Variants in SMIM41 observed in about 807,000 individuals in gnomAD.
SMIM41 encodes the protein small integral membrane protein 41.
In SMIM41 at chr12:52,107,496, C is replaced by G; in HGVS notation, c.*313C>G. 1.2e-6 allele frequency: 1 copy of G among 811,636 alleles called. No homozygotes were observed. The highest frequency in any genetic ancestry group is 1.8e-5 in the Admixed American group (1 of 55,134). The allele number at this position is 811,636 out of a possible 1,614,324, so 50.3% of individuals were successfully genotyped here. ...GGCCATGAGCCCTGACTCCCACCTC[C>G]ACACCTCCATGTACTTCTTCCTCTC... On this transcript the variant is annotated 3_prime_UTR_variant, in exon 3 of 3. Coordinates refer to ENST00000546390, the MANE Select transcript of SMIM41 (RefSeq NM_001369216.1).
intron 2 of SMIM41, among the ~76,000 whole-genome samples, chr12:52,103,170 G>A (rs1392993224): frequency 9.3e-5 from 14 of 151,204 alleles, no homozygotes; most frequent in Non-Finnish European, 1.9e-4. Flanking sequence ...TACTGAAAAC[G>A]CAAAAAATTA....
At position 52,080,154 on chromosome 12, in the gene SMIM41, C is replaced by G; in HGVS notation, c.*93C>G. On this transcript the variant is annotated 3_prime_UTR_variant, in exon 1 of 3. Transcript: ENST00000546390. The stretch of plus-strand genomic sequence containing the variant: ...CCGACGGCTGCTGCGGTCCCGACCC[C>G]TTACCCGAAGCGGCGCGCCCCACAC... 3.0e-6 allele frequency: 1 copy of G among 338,742 alleles called. No homozygotes were observed. 21.0% of individuals were successfully genotyped at this position (338,742 alleles called of 1,614,324 possible).
chr12:52,088,149 T>C (rs985956231), intron 2 of SMIM41, among the ~76,000 whole-genome samples: 3 of 152,136 alleles, frequency 2.0e-5, no homozygotes, highest in Non-Finnish European at 4.4e-5. Context: ...CCTGCGCACT[T>C]GCTGGTGGGA....
intron 1 of SMIM41, among the ~76,000 whole-genome samples, chr12:52,080,854 G>T (rs1939808574): frequency 6.6e-6 from 1 of 152,122 alleles, no homozygotes; most frequent in Admixed American, 6.5e-5. Flanking sequence ...GCCCTTCCCT[G>T]GACCCTGCTC....
At chr12:52,104,578 G>GA in intron 2 of SMIM41, among the ~76,000 whole-genome samples, 1 of 150,020 alleles carries the variant, frequency 6.7e-6, no homozygotes, top group East Asian at 1.9e-4. Flanking sequence ...TCATCCTCAG[G>GA]AAAAAAACAG....
chr12:52,104,835 G>A (rs1940300335), intron 2 of SMIM41, among the ~76,000 whole-genome samples: 1 of 152,176 alleles, frequency 6.6e-6, no homozygotes, highest in African/African-American at 2.4e-5. Flanking sequence ...AGGATAAAGA[G>A]GATGATGACA....
At chr12:52,083,067 GGACCTGGGA>G (rs766642563) in intron 1 of SMIM41, among the ~76,000 whole-genome samples, 2 of 152,284 alleles carry the variant, frequency 1.3e-5, no homozygotes, top group Non-Finnish European at 2.9e-5. Flanking sequence ...GTGTGGGCCT[GGACCTGGGA>G]GACCTGCACT....
At position 52,081,180 on chromosome 12, in the gene SMIM41, T is replaced by A. The variant is rs1939814322; in HGVS notation, c.*120+999T>A. Among the ~76,000 whole-genome samples, 1 of 152,094 alleles carries A rather than the reference T, an allele frequency of 6.6e-6. No individual in the cohort carries two copies. The highest frequency in any genetic ancestry group is 1.5e-5 in the Non-Finnish European group (1 of 67,996). On this transcript the variant is annotated intron_variant, in intron 1 of 2. Coordinates refer to ENST00000546390, the MANE Select transcript of SMIM41 (RefSeq NM_001369216.1). This position sits in a 1 kb window ranked among gnomAD's most constrained non-coding sequence, Gnocchi z 4.1. ...AGAGGCCTTCTCTGTTCCTTCCCTC[T>A]GTTCAGCTTTGTACCTAGGAGCCCT...
At chr12:52,095,381 A>G (rs1232634025) in intron 2 of SMIM41, among the ~76,000 whole-genome samples, 2 of 151,208 alleles carry the variant, frequency 1.3e-5, no homozygotes, top group Non-Finnish European at 2.9e-5. Context: ...GGATATTATG[A>G]TCCACGGTGG....
chr12:52,082,875 C>T (rs993125174), intron 1 of SMIM41, among the ~76,000 whole-genome samples: 6 of 152,180 alleles, frequency 3.9e-5, no homozygotes, highest in Admixed American at 2.0e-4. Flanking sequence ...AGCCCCACAT[C>T]GTCTGCCAGC....
intron 2 of SMIM41, among the ~76,000 whole-genome samples, chr12:52,087,035 C>T (rs57851906): frequency 0.038 from 5,855 of 152,278 alleles, 360 homozygotes; most frequent in African/African-American, 0.13. Flanking sequence ...CTGCCTGGCC[C>T]TCGCTGCAGC....
chr12:52,099,428 C>T (rs1940170042), intron 2 of SMIM41, among the ~76,000 whole-genome samples: 1 of 151,472 alleles, frequency 6.6e-6, no homozygotes, highest in Non-Finnish European at 1.5e-5. Flanking sequence ...TGTCCACCTC[C>T]TGGGATATTG....
At chr12:52,102,519 C>T (rs1940237734) in intron 2 of SMIM41, among the ~76,000 whole-genome samples, 1 of 152,062 alleles carries the variant, frequency 6.6e-6, no homozygotes, top group South Asian at 2.1e-4. Flanking sequence ...TAAAGAACAG[C>T]CAGAACTAAA....
chr12:52,099,736 C>T (rs942462249), intron 2 of SMIM41, among the ~76,000 whole-genome samples: 22 of 151,930 alleles, frequency 1.4e-4, no homozygotes, highest in African/African-American at 5.1e-4. Context: ...AACATCATGG[C>T]GTGGGGGTCG....
intron 1 of SMIM41, among the ~76,000 whole-genome samples, chr12:52,080,989 G>A (rs1010542421): frequency 1.3e-5 from 2 of 152,068 alleles, no homozygotes; most frequent in African/African-American, 4.8e-5. Context: ...CCTCGGGAGC[G>A]CTGCTCCGGG....
chr12:52,107,972 G>T lies in SMIM41; in HGVS notation c.*789G>T. The T allele has an allele frequency of 8.1e-6, 2 of 246,070 alleles. No individual in the cohort carries two copies. The highest frequency in any genetic ancestry group is 8.0e-6 in the Non-Finnish European group (1 of 125,114). 15.2% of individuals were successfully genotyped at this position (246,070 alleles called of 1,614,324 possible). ...CCATATTTGGTTTTCTTCCCATCTC[G>T]GGGACCCTTTTCTCTTACTATAAAA... On this transcript the variant is annotated 3_prime_UTR_variant, in exon 3 of 3. Coordinates refer to ENST00000546390, the MANE Select transcript of SMIM41 (RefSeq NM_001369216.1).
intron 2 of SMIM41, among the ~76,000 whole-genome samples, chr12:52,100,877 G>T (rs1327479006): frequency 1.3e-5 from 2 of 152,150 alleles, no homozygotes; most frequent in Non-Finnish European, 2.9e-5. Context: ...AAGTAGAAAA[G>T]AATAAAATGG....
rs200321950 is a variant in SMIM41 at position 52,094,158 on chromosome 12, AAG to A, written c.*195+10192_*195+10193del. On this transcript the variant is annotated intron_variant, in intron 2 of 2. Transcript: ENST00000546390. ...GAAAAAAAAAAAAGAAAAAGAAAAA[AAG>A]AAAAATCTAACTTGAACAATTCCTA... Among the ~76,000 whole-genome samples the A allele has an allele frequency of 7.4e-3, 1,115 of 151,220 alleles. 16 individuals are homozygous for A. The highest frequency in any genetic ancestry group is 0.012 in the Non-Finnish European group (801 of 67,788).
At chr12:52,102,755 G>A (rs868366000) in intron 2 of SMIM41, among the ~76,000 whole-genome samples, 2 of 152,170 alleles carry the variant, frequency 1.3e-5, no homozygotes, top group Admixed American at 6.5e-5. Flanking sequence ...AATATGATTG[G>A]AGGGAATGTA....
Sources: gnomAD v4.1 joint callset for allele counts (sites outside exome capture counted in the v4.1 genomes callset) on GRCh38, gnomAD v4.1.1 for gene constraint, Gnocchi (gnomAD v3.1) non-coding constraint, MANE v1.5 for transcripts, NCBI Gene and HGNC (gene_info 2026-07-23, HGNC 2026-07-21) for gene names.